KIF6: variants seen among roughly 807,000 people sequenced by gnomAD.
KIF6 encodes the protein kinesin-like protein KIF6.
KIF6 carries 106 observed loss-of-function variants against 112.7 expected under a neutral mutation model. The observed-to-expected ratio is 0.94, with a 90% CI of 0.80 to 1.11. KIF6 has a LOEUF of 1.11. KIF6 is among the 50% of genes least tolerant of loss of function. The probability of loss-of-function intolerance (pLI) is 0.00; values close to 1 mark genes in which losing one functional copy is unlikely to be tolerated. For synonymous variants in KIF6, 339 were observed against 339.9 expected, an observed-to-expected ratio of 1.00 and a Z score of 0.03; for missense variants, 929 against 964.0, an observed-to-expected ratio of 0.96 and a Z score of 0.48.
At chr6:39,455,308 T>C (rs541811680) in intron 13 of KIF6, among the ~76,000 whole-genome samples, 1 of 151,388 alleles carries the variant, frequency 6.6e-6, no homozygotes, top group South Asian at 2.1e-4. Context: ...CAGCTGAGGG[T>C]CCTGTCTGTT....
intron 13 of KIF6, among the ~76,000 whole-genome samples, chr6:39,534,447 G>A (rs1173343030): frequency 1.3e-5 from 2 of 152,194 alleles, no homozygotes; most frequent in Non-Finnish European, 1.5e-5. Flanking sequence ...CAATCAACTG[G>A]AAGAAAGAGT....
chr6:39,675,664 C>T (rs915569285), intron 3 of KIF6, among the ~76,000 whole-genome samples: 1 of 151,892 alleles, frequency 6.6e-6, no homozygotes, highest in Non-Finnish European at 1.5e-5. Flanking sequence ...TGTAGACATA[C>T]AAGAGCTATC....
rs1056794764 is a variant in KIF6 at position 39,333,122 on chromosome 6, T to C, written c.*3410A>G. The C allele has an allele frequency of 6.6e-6, 1 of 152,218 alleles. No individual in the cohort carries two copies. Among genetic ancestry groups the C allele is most frequent in the African/African-American group, 2.4e-5 (1 of 41,454 alleles). 9.4% of individuals were successfully genotyped at this position (152,218 alleles called of 1,614,324 possible). A position where few individuals can be genotyped will look rare whatever the true frequency, so the allele number is the denominator to read the frequency against. ...ATTTAAAGCAGGAGGGTAAATCAGG[T>C]CCTTGTTGCTTCATCATGGCTGTAG... On this transcript the variant is annotated 3_prime_UTR_variant, in exon 23 of 23. Transcript: ENST00000287152.
chr6:39,470,124 T>C (rs1275243116), intron 13 of KIF6, among the ~76,000 whole-genome samples: 1 of 151,848 alleles, frequency 6.6e-6, no homozygotes, highest in African/African-American at 2.4e-5. Flanking sequence ...CACAGAATGG[T>C]GGGAGGGAGG....
chr6:39,461,729 T>G (rs1773491416), intron 13 of KIF6, among the ~76,000 whole-genome samples: 1 of 152,138 alleles, frequency 6.6e-6, no homozygotes, highest in South Asian at 2.1e-4. Flanking sequence ...TCTACATCTG[T>G]TTTATAAATT....
At chr6:39,471,703 T>G (rs1176963952) in intron 13 of KIF6, among the ~76,000 whole-genome samples, 1 of 152,186 alleles carries the variant, frequency 6.6e-6, no homozygotes, top group Non-Finnish European at 1.5e-5. Flanking sequence ...ACTCCTATTT[T>G]TGTAATCTTC....
intron 2 of KIF6, 173 bp from the exon 3 acceptor site, chr6:39,714,939 C>T: frequency 1.7e-6 from 1 of 576,624 alleles, no homozygotes; most frequent in Non-Finnish European, 3.1e-6. Flanking sequence ...CTGTTGTACT[C>T]CTGTATACAA....
At chr6:39,497,032 A>G (rs1265397673) in intron 13 of KIF6, among the ~76,000 whole-genome samples, 1 of 152,268 alleles carries the variant, frequency 6.6e-6, no homozygotes, top group Non-Finnish European at 1.5e-5. Context: ...CTTTGCAGGC[A>G]GGCTTCAGTG....
At chr6:39,340,528 C>T (rs754869499) in intron 22 of KIF6, among the ~76,000 whole-genome samples, 1 of 152,238 alleles carries the variant, frequency 6.6e-6, no homozygotes, top group Non-Finnish European at 1.5e-5. Flanking sequence ...GTGATACAAC[C>T]TCTGTGTGCC....
intron 15 of KIF6, among the ~76,000 whole-genome samples, chr6:39,385,892 C>T (rs796980569): frequency 4.1e-4 from 63 of 152,308 alleles, no homozygotes; most frequent in African/African-American, 1.4e-3. Context: ...TGCAAACACA[C>T]ATTTCACCCT....
intron 12 of KIF6, among the ~76,000 whole-genome samples, chr6:39,544,020 A>G (rs1487820943): frequency 6.6e-6 from 1 of 152,254 alleles, no homozygotes; most frequent in Non-Finnish European, 1.5e-5. Context: ...TCAAAGCAGT[A>G]GATCTGGCTT....
chr6:39,668,082 T>C (rs1786589118), intron 3 of KIF6, among the ~76,000 whole-genome samples: 1 of 142,222 alleles, frequency 7.0e-6, no homozygotes, highest in African/African-American at 2.5e-5. Context: ...TCCGCCATGA[T>C]TGTAAGCTTC....
At chr6:39,356,330 ATC>A (rs1764687369) in intron 19 of KIF6, among the ~76,000 whole-genome samples, 1 of 151,406 alleles carries the variant, frequency 6.6e-6, no homozygotes, top group Non-Finnish European at 1.5e-5. Context: ...CAGTGGCACG[ATC>A]TCAGCTCACT....
At chr6:39,631,123 G>A (rs144618288) in intron 5 of KIF6, among the ~76,000 whole-genome samples, 211 of 151,662 alleles carry the variant, frequency 1.4e-3, no homozygotes, top group African/African-American at 4.6e-3. Flanking sequence ...ATATTAGTCC[G>A]TAGTTTTCCT....
Position 39,724,012 on chromosome 6 carries a change from G to A in KIF6, c.66+1233C>T, listed in dbSNP as rs528326626. Among the ~76,000 whole-genome samples, 9 of 152,262 alleles carry A rather than the reference G, an allele frequency of 5.9e-5. No homozygotes were observed. In the South Asian group the frequency reaches 8.3e-4, roughly 14 times the overall value. ...CTCAGTTTCCTAATCTGTAAAATGC[G>A]GAAAATGACACCAACCTTGCAGGGT... On this transcript the variant is annotated intron_variant, in intron 1 of 22. Coordinates refer to ENST00000287152, the MANE Select transcript of KIF6 (RefSeq NM_145027.6).
At chr6:39,354,352 T>C (rs780677307) in intron 19 of KIF6, among the ~76,000 whole-genome samples, 1 of 152,248 alleles carries the variant, frequency 6.6e-6, no homozygotes, top group Non-Finnish European at 1.5e-5. Flanking sequence ...TTGGTGGGGC[T>C]GAAAGTGTTT....
At chr6:39,663,254 G>A (rs894947917) in intron 3 of KIF6, among the ~76,000 whole-genome samples, 25 of 152,218 alleles carry the variant, frequency 1.6e-4, no homozygotes, top group African/African-American at 5.5e-4. Flanking sequence ...ACTATTTGTA[G>A]ATACAAGGAA....
At chr6:39,703,834 T>C (rs892892788) in intron 3 of KIF6, among the ~76,000 whole-genome samples, 1 of 152,216 alleles carries the variant, frequency 6.6e-6, no homozygotes, top group African/African-American at 2.4e-5. Flanking sequence ...ATAACTATAG[T>C]AAAAATCTTG....
intron 10 of KIF6, among the ~76,000 whole-genome samples, chr6:39,575,384 T>C (rs376379392): frequency 4.6e-5 from 7 of 151,940 alleles, no homozygotes; most frequent in East Asian, 3.9e-4. Flanking sequence ...CATTCTCCTG[T>C]CTCAGCCTCC....
Sources: allele counts gnomAD v4.1 joint callset (sites outside exome capture counted in the v4.1 genomes callset), GRCh38; gene constraint gnomAD v4.1.1; transcripts MANE v1.5; gene names NCBI Gene and HGNC (gene_info 2026-07-23, HGNC 2026-07-21).